COL18A1: variants seen among roughly 807,000 people sequenced by gnomAD.
The protein encoded by COL18A1 is collagen type XVIII alpha 1 chain.
In COL18A1, 133 loss-of-function variants were observed where a neutral mutation model predicts 168.0. That is an observed-to-expected ratio of 0.79 (90% CI 0.69 to 0.91). The LOEUF is 0.91. COL18A1 is among the 40% of genes least tolerant of loss of function. The pLI is 0.00. For synonymous variants in COL18A1, 949 were observed against 809.0 expected (o/e 1.17, Z -2.94); for missense variants, 2,126 against 1,925.4 (o/e 1.10, Z -1.95).
intron 36 of COL18A1, 23 bp downstream of exon 36, chr21:45,505,454 G>C (rs761152480): frequency 5.3e-6 from 7 of 1,321,388 alleles, no homozygotes; most frequent in Non-Finnish European, 7.5e-6. Context: ...GCAGCCGGCT[G>C]GGCACCTGCG....
intron 2 of COL18A1, among the ~76,000 whole-genome samples, chr21:45,442,253 C>T (rs1784543807): frequency 6.6e-6 from 1 of 152,244 alleles, no homozygotes; most frequent in Non-Finnish European, 1.5e-5. Context: ...CCGTTCTGTG[C>T]CCGTGCCTTG....
At chr21:45,406,743 GGCCCAAGCCCGAGCTTAT>G (rs1241935961) in intron 2 of COL18A1, among the ~76,000 whole-genome samples, 1 of 152,242 alleles carries the variant, frequency 6.6e-6, no homozygotes, top group Non-Finnish European at 1.5e-5. Flanking sequence ...AAGACGCTGG[GGCCCAAGCCCGAGCTTAT>G]GAAACGTTAT....
At chr21:45,496,704 T>C (rs1187057773) in intron 30 of COL18A1, 136 bp downstream of exon 30, 2 of 718,244 alleles carry the variant, frequency 2.8e-6, no homozygotes, top group East Asian at 2.6e-5. Flanking sequence ...TGGTGGGCAG[T>C]GGATTAGCAG....
intron 2 of COL18A1, among the ~76,000 whole-genome samples, chr21:45,458,928 G>A (rs1035739710): frequency 1.3e-4 from 20 of 152,248 alleles, no homozygotes; most frequent in Admixed American, 7.2e-4. Context: ...GCTGGGGTCC[G>A]AGTGGGGCTG....
At chr21:45,499,352 G>A (rs8128660) in intron 32 of COL18A1, among the ~76,000 whole-genome samples, 4 of 149,654 alleles carry the variant, frequency 2.7e-5, no homozygotes, top group East Asian at 1.9e-4. Context: ...GCGTCCCAGC[G>A]ACAGGGAGGT....
rs1183933657 is a variant in COL18A1, at chr21:45,443,544, G to T, written c.107-24698G>T. Among the ~76,000 whole-genome samples, 2 of 152,130 alleles carry T rather than the reference G, an allele frequency of 1.3e-5. No individual in the cohort carries two copies. The highest frequency in any genetic ancestry group is 4.8e-5 in the African/African-American group (2 of 41,440). ...CCAAGGGCTCCCTCCTTGCACTGTG[G>T]TCTCTCGGGACCTAGGAGGTCCCGG... On this transcript the variant is annotated intron_variant, in intron 2 of 41. Transcript: ENST00000651438. The surrounding 1 kb of genome is among the most constrained non-coding windows in gnomAD (Gnocchi z 5.2).
Position 45,443,096 on chromosome 21 carries a change from GGGCGGC to G in COL18A1, c.107-25143_107-25138del, listed in dbSNP as rs1569292151. Among the ~76,000 whole-genome samples the G allele has an allele frequency of 1.8e-3, 127 of 70,244 alleles. 4 individuals are homozygous for G. Among genetic ancestry groups the G allele is most frequent in the East Asian group, 8.4e-3 (23 of 2,754 alleles). The allele number at this position is 70,244 out of a possible 152,430, so 46.1% of individuals were successfully genotyped here. On this transcript the variant is annotated intron_variant, in intron 2 of 41. Coordinates refer to ENST00000651438, the MANE Select transcript of COL18A1 (RefSeq NM_001379500.1). This position sits in a 1 kb window ranked among gnomAD's most constrained non-coding sequence, Gnocchi z 5.2. The stretch of plus-strand genomic sequence containing the variant: ...GTGTGGGTGGTGGTGGTGCTGATGT[GGGCGGC>G]GGTGCTGGTGTGGGCGGCGGTGCTG...
chr21:45,460,690 T>C (rs2035011484), intron 2 of COL18A1, among the ~76,000 whole-genome samples: 1 of 152,236 alleles, frequency 6.6e-6, no homozygotes, highest in African/African-American at 2.4e-5. Context: ...TGTTTCCATG[T>C]AACTTTGGTT....
rs774598903 is a variant in COL18A1, at chr21:45,476,462, A to G, written c.910A>G (p.Thr304Ala). The G allele has an allele frequency of 6.2e-7, 1 of 1,612,046 alleles. No individual in the cohort carries two copies. Among genetic ancestry groups the G allele is most frequent in the Admixed American group, 1.7e-5 (1 of 59,660 alleles). ...AAGTGAAGAAGTCGAGGAGCAGACCACGGTGGCTTCGTTAGGAGGTAAGCT... is the reference window on the plus strand; with the variant it reads ...AAGTGAAGAAGTCGAGGAGCAGACCGCGGTGGCTTCGTTAGGAGGTAAGCT... ...SRSEEVEEQT[T>A]VASLGAQTLP... The change falls in exon 6 of 42, where the codon ACG becomes GCG. Residue 304 changes from threonine to alanine, a missense_variant. By Grantham distance (58) the Thr-to-Ala change is moderately conservative (BLOSUM62 0). Coordinates refer to ENST00000651438, the MANE Select transcript of COL18A1 (RefSeq NM_001379500.1).
In COL18A1 at chr21:45,487,534, C is replaced by A. The variant is rs760424340; in HGVS notation, c.1896+25C>A. On this transcript the variant is annotated intron_variant, in intron 17 of 41. Coordinates refer to ENST00000651438, the MANE Select transcript of COL18A1 (RefSeq NM_001379500.1). ...GGTAGTGTTGTGAGCTGGGCGTGGC[C>A]GGCTCTGAGGGGTAAGGGGGTGTTG... The A allele has an allele frequency of 3.1e-6, 5 of 1,611,610 alleles. No homozygotes were observed. The East Asian group carries it at 8.9e-5, about 29-fold the overall frequency.
chr21:45,477,956 C>G lies in COL18A1; in HGVS notation c.1212C>G (p.Asp404Glu). ...PPGRDGTPGR[D>E]GEPGDPGEDG... ...GGAGGGACGGCACCCCTGGAAGGGA[C>G]GGCGAGCCGGTGAGTCCTCACGTCC... Residue 404 changes from aspartate to glutamate, a missense_variant, in exon 8 of 42, where the codon GAC (aspartate) becomes GAG (glutamate). Transcript: ENST00000651438. 1 of 1,516,856 alleles carries G rather than the reference C, an allele frequency of 6.6e-7. No individual in the cohort carries two copies. The allele number at this position is 1,516,856 out of a possible 1,614,324, so 94.0% of individuals were successfully genotyped here. A position where few individuals can be genotyped will look rare whatever the true frequency, so the allele number is the denominator to read the frequency against.
intron 3 of COL18A1, among the ~76,000 whole-genome samples, chr21:45,469,060 G>A (rs187308539): frequency 8.4e-4 from 128 of 152,336 alleles, no homozygotes; most frequent in African/African-American, 3.0e-3. Flanking sequence ...GGTAGCCCTG[G>A]GCTTCCATGG....
chr21:45,461,448 C>T (rs959405883), intron 2 of COL18A1, among the ~76,000 whole-genome samples: 7 of 152,174 alleles, frequency 4.6e-5, no homozygotes, highest in South Asian at 2.1e-4. Context: ...ACCGTCCATC[C>T]GGCACCAGTC....
chr21:45,504,556 A>C lies in COL18A1; in HGVS notation c.2868A>C (p.Pro956=). 1 of 1,568,206 alleles carries C rather than the reference A, an allele frequency of 6.4e-7. No homozygotes were observed. Among genetic ancestry groups the C allele is most frequent in the Non-Finnish European group, 8.6e-7 (1 of 1,158,074 alleles). Residue 956 remains proline, a splice_region_variant and synonymous_variant, in exon 34 of 42, where the codon CCA becomes CCC. Coordinates refer to ENST00000651438, the MANE Select transcript of COL18A1 (RefSeq NM_001379500.1). ...GCCCACGTGGCTACCCTGGGATTCCAGTAAGTCCCAGCCTGTGCAGGCAGA... is the reference window on the plus strand; with the variant it reads ...GCCCACGTGGCTACCCTGGGATTCCCGTAAGTCCCAGCCTGTGCAGGCAGA... ...PPGPRGYPGI[P]GPKGESIRGQ...
At chr21:45,490,224 C>T in intron 19 of COL18A1, 51 bp from the exon 20 acceptor site, 1 of 1,484,882 alleles carries the variant, frequency 6.7e-7, no homozygotes, top group Admixed American at 2.0e-5. Flanking sequence ...GGGGTCCCTG[C>T]ATTCCTGGGC....
chr21:45,496,515 C>T lies in COL18A1; in HGVS notation c.2524C>T (p.Pro842Ser). Reference sequence around the variant, plus strand: ...CTCCCCACAGGGAATGCCCGGCCCCCCAGGACCTCCAGGGCCCCCAGGCCC... The same window carrying T: ...CTCCCCACAGGGAATGCCCGGCCCCTCAGGACCTCCAGGGCCCCCAGGCCC... The part of the protein sequence containing the change: ...GFGMRGMPGP[P>S]GPPGPPGPPG... The change falls in exon 30 of 42, where the codon CCA (proline) becomes TCA (serine). Residue 842 changes from proline (P) to serine (S), a missense_variant. Coordinates refer to ENST00000651438, the MANE Select transcript of COL18A1 (RefSeq NM_001379500.1). 6.7e-7 allele frequency: 1 copy of T among 1,496,216 alleles called. No homozygotes were observed. The highest frequency in any genetic ancestry group is 9.3e-7 in the Non-Finnish European group (1 of 1,073,200). 92.7% of individuals were successfully genotyped at this position (1,496,216 alleles called of 1,614,324 possible). A position where few individuals can be genotyped will look rare whatever the true frequency, so the allele number is the denominator to read the frequency against.
intron 2 of COL18A1, among the ~76,000 whole-genome samples, chr21:45,464,710 G>A (rs774096119): frequency 9.2e-5 from 14 of 152,088 alleles, no homozygotes; most frequent in Admixed American, 2.0e-4. Context: ...GCTTCCCTTC[G>A]CTCAAAGCCC....
intron 9 of COL18A1, 40 bp downstream of exon 9, chr21:45,478,393 A>G: frequency 6.2e-7 from 1 of 1,614,002 alleles, no homozygotes; most frequent in Non-Finnish European, 8.5e-7. Context: ...GTTATCTGTG[A>G]TGTTTGCTTA....
At chr21:45,488,261 G>A (rs2145970343) in intron 17 of COL18A1, among the ~76,000 whole-genome samples, 157 bp from the exon 18 acceptor site, 1 of 152,394 alleles carries the variant, frequency 6.6e-6, no homozygotes, top group African/African-American at 2.4e-5. Context: ...TGATTCCATA[G>A]TAAGTTAGAA....
Sources: allele counts gnomAD v4.1 joint callset (sites outside exome capture counted in the v4.1 genomes callset), GRCh38; gene constraint gnomAD v4.1.1; non-coding constraint Gnocchi (gnomAD v3.1); transcripts MANE v1.5; gene names NCBI Gene and HGNC (gene_info 2026-07-23, HGNC 2026-07-21).